CBR4: variants seen among roughly 807,000 people sequenced by gnomAD.
CBR4 encodes the protein carbonyl reductase 4.
In CBR4, 22 loss-of-function variants were observed where a neutral mutation model predicts 21.0. The ratio of observed to expected loss-of-function variants is 1.05; its 90% CI spans 0.75 to 1.50. CBR4 has a LOEUF of 1.50. Among genes scored for constraint, CBR4 ranks in the 40% most tolerant of loss-of-function variants. CBR4 has a pLI of 0.00. For synonymous variants in CBR4, 100 were observed against 104.4 expected (o/e 0.96, Z 0.26); for missense variants, 302 against 286.3 (o/e 1.05, Z -0.40).
At chr4:168,948,726 G>A (rs1394048702) in intron 2 of CBR4, among the ~76,000 whole-genome samples, 1 of 152,090 alleles carries the variant, frequency 6.6e-6, no homozygotes, top group African/African-American at 2.4e-5. Context: ...TGGTCTATGT[G>A]CCTGTTTTTA....
intron 2 of CBR4, among the ~76,000 whole-genome samples, chr4:168,901,252 T>G (rs761727066): frequency 6.6e-5 from 10 of 152,184 alleles, no homozygotes; most frequent in Non-Finnish European, 1.5e-4. Context: ...GAAATACATG[T>G]TTTTTTAGGC....
intron 4 of CBR4, 111 bp downstream of exon 4, chr4:169,001,960 A>C (rs923541886): frequency 9.4e-7 from 1 of 1,061,766 alleles, no homozygotes; most frequent in Non-Finnish European, 1.3e-6. Flanking sequence ...TTCTTTTCAC[A>C]ATCATTTTAC....
At chr4:168,951,739 G>T (rs1269287772) in intron 2 of CBR4, among the ~76,000 whole-genome samples, 2 of 152,152 alleles carry the variant, frequency 1.3e-5, no homozygotes, top group Non-Finnish European at 2.9e-5. Context: ...CTGAAGACAG[G>T]GCCCCAATCC....
intron 3 of CBR4, among the ~76,000 whole-genome samples, chr4:169,003,692 C>T (rs950798692): frequency 6.6e-6 from 1 of 151,956 alleles, no homozygotes; most frequent in African/African-American, 2.4e-5. Flanking sequence ...AGACTTGGAA[C>T]CAAATCAAAT....
At chr4:168,929,265 T>C (rs1560949123) in intron 2 of CBR4, among the ~76,000 whole-genome samples, 1 of 152,110 alleles carries the variant, frequency 6.6e-6, no homozygotes, top group Non-Finnish European at 1.5e-5. Flanking sequence ...ACGGACAACA[T>C]ATTTGGGCCT....
At chr4:168,991,541 A>C (rs1320516459) in intron 4 of CBR4, among the ~76,000 whole-genome samples, 2 of 152,198 alleles carry the variant, frequency 1.3e-5, no homozygotes, top group East Asian at 3.8e-4. Flanking sequence ...AAATTCAGTA[A>C]AGCCTGCCAA....
intron 2 of CBR4, among the ~76,000 whole-genome samples, chr4:168,961,532 T>G (rs1188433672): frequency 6.6e-6 from 1 of 152,150 alleles, no homozygotes; most frequent in African/African-American, 2.4e-5. Flanking sequence ...GTCCACAGTT[T>G]CCAGTTTCTC....
intron 2 of CBR4, among the ~76,000 whole-genome samples, chr4:168,909,023 G>A (rs1269264078): frequency 6.6e-6 from 1 of 152,194 alleles, no homozygotes; most frequent in East Asian, 1.9e-4. Flanking sequence ...CACTCGATGT[G>A]TGTAGCTCAA....
chr4:168,956,999 G>A (rs1172364745), intron 2 of CBR4, among the ~76,000 whole-genome samples: 1 of 152,086 alleles, frequency 6.6e-6, no homozygotes, highest in East Asian at 1.9e-4. Context: ...ACATGAACAA[G>A]ATTCCTATCT....
chr4:169,007,707 T>C lies in CBR4; in HGVS notation c.192A>G (p.Gln64=). The C allele has an allele frequency of 6.3e-7, 1 of 1,595,514 alleles. No individual in the cohort carries two copies. The highest frequency in any genetic ancestry group is 8.5e-7 in the Non-Finnish European group (1 of 1,171,956). Reference sequence around the variant, plus strand: ...GTTTCTCCAGCTCTTCAAATGTATTTTGAACATCATGTTCTTTAGCAACAT... The same window carrying C: ...GTTTCTCCAGCTCTTCAAATGTATTCTGAACATCATGTTCTTTAGCAACAT... ...SCDVAKEHDV[Q]NTFEELEKHL... is the part of the protein sequence containing the mutation. Residue 64 remains glutamine (Q), a synonymous_variant, in exon 2 of 5, where the codon CAA becomes CAG. Transcript: ENST00000306193.
intron 2 of CBR4, among the ~76,000 whole-genome samples, chr4:168,900,377 C>T (rs1038038977): frequency 2.6e-5 from 4 of 151,924 alleles, no homozygotes; most frequent in African/African-American, 9.7e-5. Context: ...TCTAAAATAA[C>T]TTTAAAAAGA....
intron 1 of CBR4, 83 bp downstream of exon 1, chr4:169,009,865 G>A: frequency 7.4e-7 from 1 of 1,354,878 alleles, no homozygotes; most frequent in Non-Finnish European, 1.0e-6. Flanking sequence ...CTAAAGGCCA[G>A]ACCCGCTCTT....
intron 2 of CBR4, among the ~76,000 whole-genome samples, chr4:168,918,079 G>A (rs192308068): frequency 6.6e-6 from 1 of 151,878 alleles, no homozygotes; most frequent in African/African-American, 2.4e-5. Flanking sequence ...TGCATCTGTA[G>A]TCCCAGCTAC....
At chr4:168,977,328 T>C (rs1764403097) in intron 2 of CBR4, among the ~76,000 whole-genome samples, 1 of 152,202 alleles carries the variant, frequency 6.6e-6, no homozygotes. Context: ...GAAAAGTTTA[T>C]TTCATCAGCT....
chr4:168,928,117 C>T, intron 2 of CBR4: 1 of 193,556 alleles, frequency 5.2e-6, no homozygotes. Context: ...ATGTTCTATG[C>T]AGTGTGGTTC....
At position 168,900,380 on chromosome 4, in the gene CBR4, TA is replaced by T. The variant is rs367686725; in HGVS notation, n.170-5616del. Among the ~76,000 whole-genome samples, 11 of 152,134 alleles carry T rather than the reference TA, an allele frequency of 7.2e-5. No individual in the cohort carries two copies. In the East Asian group the frequency reaches 1.3e-3, roughly 19 times the overall value. ...TCTTAAGTAACCTCTAAAATAACTT[TA>T]AAAAGATTGAAACAATTTTAAAAAG... On this transcript the variant is annotated intron_variant and non_coding_transcript_variant, in intron 2 of 3. Coordinates refer to the CBR4 transcript ENST00000509108.
Position 169,010,174 on chromosome 4 carries a change from C to G in CBR4, c.-85G>C. On this transcript the variant is annotated 5_prime_UTR_variant, in exon 1 of 5. Coordinates refer to ENST00000306193, the MANE Select transcript of CBR4 (RefSeq NM_032783.5). ...CTCAGGCTTTTAAACAACCGCGGTT[C>G]CAAAAAAAAAAAAAAGAAAAAAAAA... 1.1e-6 allele frequency: 1 copy of G among 882,122 alleles called. No individual in the cohort carries two copies. Among genetic ancestry groups the G allele is most frequent in the South Asian group, 4.6e-5 (1 of 21,844 alleles). The allele number at this position is 882,122 out of a possible 1,614,324, so 54.6% of individuals were successfully genotyped here.
At chr4:168,978,954 C>A (rs1470514315) in intron 2 of CBR4, among the ~76,000 whole-genome samples, 1 of 151,814 alleles carries the variant, frequency 6.6e-6, no homozygotes, top group Non-Finnish European at 1.5e-5. Flanking sequence ...GAGTAAAAGA[C>A]AGGCCTGCCA....
chr4:168,912,205 C>T (rs1759111752), intron 2 of CBR4, among the ~76,000 whole-genome samples: 1 of 152,156 alleles, frequency 6.6e-6, no homozygotes, highest in South Asian at 2.1e-4. Flanking sequence ...TGTTACCTGT[C>T]TCTATAGGCA....
Sources: gnomAD v4.1 joint callset for allele counts (sites outside exome capture counted in the v4.1 genomes callset) on GRCh38, gnomAD v4.1.1 for gene constraint, MANE v1.5 for transcripts, NCBI Gene and HGNC (gene_info 2026-07-23, HGNC 2026-07-21) for gene names.